The following COL24A1 variants were observed in gnomAD, a reference collection of about 807,000 sequenced individuals.
COL24A1 encodes collagen type XXIV alpha 1 chain.
A neutral mutation model predicts 253.9 loss-of-function variants in COL24A1; 224 were observed. The observed-to-expected ratio is 0.88, with a 90% CI of 0.79 to 0.99. COL24A1 has a LOEUF of 0.99. COL24A1 is among the 50% of genes least tolerant of loss of function. The probability of loss-of-function intolerance (pLI) is 0.00; values close to 1 mark genes in which losing one functional copy is unlikely to be tolerated. For synonymous variants in COL24A1, 685 were observed against 673.7 expected, an observed-to-expected ratio of 1.02 and a Z score of -0.26; for missense variants, 2,131 against 2,068.5, an observed-to-expected ratio of 1.03 and a Z score of -0.59.
chr1:86,098,618 G>T (rs556480332), intron 5 of COL24A1, among the ~76,000 whole-genome samples: 1 of 152,096 alleles, frequency 6.6e-6, no homozygotes, highest in Admixed American at 6.6e-5. Context: ...ATTCAGGAAG[G>T]GCCATGCTTT....
At chr1:85,940,708 C>T (rs554426797) in intron 24 of COL24A1, among the ~76,000 whole-genome samples, 4 of 152,220 alleles carry the variant, frequency 2.6e-5, no homozygotes, top group Admixed American at 1.3e-4. Context: ...CAGCTTCTAA[C>T]GTTTCCCTAA....
intron 37 of COL24A1, among the ~76,000 whole-genome samples, chr1:85,857,701 G>A (rs1176607408): frequency 6.6e-6 from 1 of 152,084 alleles, no homozygotes; most frequent in East Asian, 1.9e-4. Context: ...GAGAGACTAA[G>A]CATCTTGATA....
At chr1:85,813,183 T>C (rs987312581) in intron 47 of COL24A1, among the ~76,000 whole-genome samples, 3 of 151,892 alleles carry the variant, frequency 2.0e-5, no homozygotes, top group Non-Finnish European at 4.4e-5. Context: ...TAATTAAAGA[T>C]ATGCATAAAA....
rs531614230 is a variant in COL24A1 at position 85,785,680 on chromosome 1, G to T, written c.4059+674C>A. Among the ~76,000 whole-genome samples, 10 of 152,296 alleles carry T rather than the reference G, an allele frequency of 6.6e-5. No homozygotes were observed. The South Asian group carries it at 1.7e-3, about 25-fold the overall frequency. On this transcript the variant is annotated intron_variant, in intron 48 of 59. Coordinates refer to ENST00000370571, the MANE Select transcript of COL24A1 (RefSeq NM_152890.7). ...GTCATGATTTTCAGTTTACCCACAT[G>T]GGTCAGAAATCTGAAAATTCTTTAG...
At position 85,987,615 on chromosome 1, in the gene COL24A1, G is replaced by A; in HGVS notation, c.2350C>T (p.Pro784Ser). 1 of 1,610,240 alleles carries A rather than the reference G, an allele frequency of 6.2e-7. No individual in the cohort carries two copies. Among genetic ancestry groups the A allele is most frequent in the Non-Finnish European group, 8.5e-7 (1 of 1,177,792 alleles). ...CTTCTTCTTACCTTTGGTCCTTCAG[G>A]GCCGTTTTGTCCAGGAATCCCAATA... ...GDIGIPGQNG[P>S]EGPKGLLGNR... Residue 784 changes from proline to serine, a missense_variant, in exon 20 of 60, where the codon CCT (proline) becomes TCT (serine). Pro to Ser is a moderately conservative substitution (Grantham distance 74). Coordinates refer to ENST00000370571, the MANE Select transcript of COL24A1 (RefSeq NM_152890.7).
At chr1:86,030,210 T>C (rs576442143) in intron 14 of COL24A1, 14 of 152,298 alleles carry the variant, frequency 9.2e-5, no homozygotes, top group African/African-American at 2.6e-4. Flanking sequence ...AGTGTCCCCT[T>C]CAAGCCATGG....
intron 20 of COL24A1, among the ~76,000 whole-genome samples, chr1:85,979,163 T>C (rs540158568): frequency 3.3e-4 from 50 of 152,140 alleles, no homozygotes; most frequent in Non-Finnish European, 6.5e-4. Flanking sequence ...ACACAACCTA[T>C]GAAAACCACT....
intron 28 of COL24A1, 124 bp from the exon 29 acceptor site, chr1:85,896,533 T>C: frequency 1.3e-6 from 1 of 770,194 alleles, no homozygotes; most frequent in Non-Finnish European, 2.2e-6. Context: ...TCTCACTCTG[T>C]CGCCCAGGCT....
intron 3 of COL24A1, among the ~76,000 whole-genome samples, chr1:86,116,386 T>A (rs1393421125): frequency 6.6e-6 from 1 of 152,216 alleles, no homozygotes; most frequent in Admixed American, 6.5e-5. Flanking sequence ...TTTTTATATA[T>A]CTATGCTGAT....
intron 53 of COL24A1, among the ~76,000 whole-genome samples, chr1:85,762,682 T>G (rs954485668): frequency 6.6e-6 from 1 of 152,132 alleles, no homozygotes; most frequent in African/African-American, 2.4e-5. Context: ...ATACAGAAGC[T>G]CAAAGTGAAA....
chr1:86,145,442 T>C (rs1174115042), intron 2 of COL24A1, among the ~76,000 whole-genome samples: 1 of 152,110 alleles, frequency 6.6e-6, no homozygotes, highest in Admixed American at 6.6e-5. Flanking sequence ...GGTATGTTTT[T>C]TACCTTTGAT....
rs1669693447 is a variant in COL24A1, at chr1:85,786,427, G to T, written c.3986C>A (p.Ala1329Asp). ...TACTCCTGGAGGACCTGGAGCCCCA[G>T]CAAGACCTGTTCTTCCTGGGCCGCC... is the stretch of plus-strand genomic sequence containing the variant. ...IRGGPGRTGL[A>D]GAPGPPGVKG... Residue 1329 changes from alanine to aspartate, a missense_variant, in exon 48 of 60, where the codon GCT (alanine) becomes GAT (aspartate). Coordinates refer to ENST00000370571, the MANE Select transcript of COL24A1 (RefSeq NM_152890.7). 6.2e-7 allele frequency: 1 copy of T among 1,613,550 alleles called. No homozygotes were observed.
intron 43 of COL24A1, among the ~76,000 whole-genome samples, chr1:85,830,906 G>A (rs1675179259): frequency 6.6e-6 from 1 of 152,126 alleles, no homozygotes; most frequent in Admixed American, 6.6e-5. Context: ...GCTGGGAGCT[G>A]TAGACCGGAG....
chr1:86,095,429 A>G (rs976320261), intron 5 of COL24A1, among the ~76,000 whole-genome samples: 52 of 152,100 alleles, frequency 3.4e-4, no homozygotes, highest in African/African-American at 1.3e-3. Flanking sequence ...TCAAGTCAGT[A>G]TGGAGGAAAT....
intron 3 of COL24A1, among the ~76,000 whole-genome samples, chr1:86,115,829 C>T (rs979172871): frequency 2.0e-5 from 3 of 152,130 alleles, no homozygotes. Flanking sequence ...TACCAAGGAT[C>T]TGTGTAATGT....
At chr1:85,772,350 C>G (rs1422624995) in intron 53 of COL24A1, among the ~76,000 whole-genome samples, 1 of 151,650 alleles carries the variant, frequency 6.6e-6, no homozygotes, top group African/African-American at 2.4e-5. Flanking sequence ...CACTTTTACA[C>G]TGTTGGTGGG....
At chr1:86,030,330 G>A (rs1998684) in intron 14 of COL24A1, 13,980 of 152,310 alleles carry the variant, frequency 0.092, 871 homozygotes, top group Non-Finnish European at 0.13. Context: ...GCCACCAACT[G>A]GGGTGGAGAA....
intron 24 of COL24A1, among the ~76,000 whole-genome samples, chr1:85,917,541 T>C (rs1397017392): frequency 2.6e-5 from 4 of 152,148 alleles, no homozygotes; most frequent in Middle Eastern, 3.4e-3. Context: ...TTTTATTTTA[T>C]TTTATTTATT....
intron 12 of COL24A1, among the ~76,000 whole-genome samples, chr1:86,043,816 A>G (rs1028269457): frequency 1.3e-5 from 2 of 152,168 alleles, no homozygotes; most frequent in African/African-American, 4.8e-5. Context: ...ATGAGCCACC[A>G]TGCCCGGCTC....
Sources: allele counts gnomAD v4.1 joint callset (sites outside exome capture counted in the v4.1 genomes callset), GRCh38; gene constraint gnomAD v4.1.1; transcripts MANE v1.5; gene names NCBI Gene and HGNC (gene_info 2026-07-23, HGNC 2026-07-21).